The following SBF2 variants were observed in gnomAD, a reference collection of about 807,000 sequenced individuals.
The protein encoded by SBF2 is myotubularin-related protein 13.
A neutral mutation model predicts 225.2 loss-of-function variants in SBF2; 112 were observed. That is an observed-to-expected ratio of 0.50 (90% CI 0.43 to 0.58). The LOEUF (loss-of-function observed/expected upper bound fraction) is 0.58. Ranked by LOEUF, SBF2 falls within the 20% of genes least tolerant of loss-of-function variation. The pLI, the probability that SBF2 is intolerant of heterozygous loss-of-function variation, is 0.00. For synonymous variants in SBF2, 763 were observed against 773.3 expected (o/e 0.99, Z 0.22); for missense variants, 1,996 against 2,206.2 (o/e 0.90, Z 1.91).
At chr11:10,289,823 C>G (rs1382790748) in intron 1 of SBF2, among the ~76,000 whole-genome samples, 3 of 152,170 alleles carry the variant, frequency 2.0e-5, no homozygotes, top group Non-Finnish European at 4.4e-5. Context: ...CTCCTCACAC[C>G]CTCCCCGCAG....
intron 2 of SBF2, among the ~76,000 whole-genome samples, chr11:10,126,893 T>C (rs1953781639): frequency 6.6e-6 from 1 of 152,114 alleles, no homozygotes; most frequent in Non-Finnish European, 1.5e-5. Flanking sequence ...ATACCATGGA[T>C]GACCCTTGAA....
chr11:10,069,111 C>T (rs1337025891), intron 2 of SBF2, among the ~76,000 whole-genome samples: 3 of 151,894 alleles, frequency 2.0e-5, no homozygotes, highest in African/African-American at 7.3e-5. Context: ...ACCCATTTAC[C>T]CTTATTTAGA....
intron 38 of SBF2, among the ~76,000 whole-genome samples, chr11:9,782,154 C>G (rs536796490): frequency 6.7e-6 from 1 of 149,240 alleles, no homozygotes; most frequent in African/African-American, 2.5e-5. Flanking sequence ...CACTGCACTC[C>G]AGCCTGAGTA....
In SBF2 at chr11:9,842,698, C is replaced by T. The variant is rs752450440; in HGVS notation, c.3183G>A (p.Leu1061=). ...CCACAATTGTCCCTGTCTTCTTCTT[C>T]AGTAAATATTGCCGCCCAATTGTCA... ...GKMTIGRQYL[L]KKKTGTIVEE... is the part of the protein sequence containing the mutation. Residue 1061 remains leucine, a synonymous_variant, in exon 25 of 40, where the codon CTG becomes CTA. Coordinates refer to ENST00000256190, the MANE Select transcript of SBF2 (RefSeq NM_030962.4). 6.2e-7 allele frequency: 1 copy of T among 1,614,128 alleles called. No individual in the cohort carries two copies. The highest frequency in any genetic ancestry group is 1.1e-5 in the South Asian group (1 of 91,082).
Position 9,845,677 on chromosome 11 carries a change from G to C in SBF2, c.2998C>G (p.Leu1000Val), listed in dbSNP as rs748529255. The stretch of plus-strand genomic sequence containing the variant: ...GACTGAGGATAACGGAACTTCATCA[G>C]CTGTTTCTTAAAGATCTCTACTACT... ...PEVVEIFKKQ[L>V]MKFRYPQSIF... is the part of the protein sequence containing the mutation. Residue 1000 changes from leucine (L) to valine (V), a missense_variant, in exon 24 of 40, where the codon CTG becomes GTG. Physicochemically the swap from Leu to Val is conservative, Grantham distance 32. Transcript: ENST00000256190. The C allele has an allele frequency of 6.2e-7, 1 of 1,613,716 alleles. No individual in the cohort carries two copies. The highest frequency in any genetic ancestry group is 8.5e-7 in the Non-Finnish European group (1 of 1,179,746).
intron 2 of SBF2, among the ~76,000 whole-genome samples, chr11:10,181,616 T>A (rs991898452): frequency 2.0e-5 from 3 of 152,098 alleles, no homozygotes; most frequent in African/African-American, 7.2e-5. Flanking sequence ...TTAGCTTTCA[T>A]TACATTTCAA....
chr11:10,108,515 C>CTTTTTTTTTTTTT (rs34189666), intron 2 of SBF2, among the ~76,000 whole-genome samples: 1 of 83,482 alleles, frequency 1.2e-5, no homozygotes, highest in Non-Finnish European at 2.2e-5. Context: ...TAATAGTTAA[C>CTTTTTTTTTTTTT]TTTTTTTTTT....
Position 9,795,939 on chromosome 11 carries a change from T to C in SBF2, c.4462A>G (p.Thr1488Ala). ...TAATAGAGATTGAATTCAAACTCAGTTGGATACTGGTTGTGAACCTGAAAC... is the reference window on the plus strand; with the variant it reads ...TAATAGAGATTGAATTCAAACTCAGCTGGATACTGGTTGTGAACCTGAAAC... ...CVHQVHNQYP[T>A]EFEFNLYYLK... Residue 1488 changes from threonine (T) to alanine (A), a missense_variant, in exon 33 of 40, where the codon ACT becomes GCT. Coordinates refer to ENST00000256190, the MANE Select transcript of SBF2 (RefSeq NM_030962.4). The C allele has an allele frequency of 1.2e-6, 2 of 1,613,468 alleles. No individual in the cohort carries two copies. The highest frequency in any genetic ancestry group is 1.6e-4 in the Middle Eastern group (1 of 6,062).
At chr11:9,993,362 T>C (rs1467918269) in intron 10 of SBF2, among the ~76,000 whole-genome samples, 1 of 151,452 alleles carries the variant, frequency 6.6e-6, no homozygotes, top group Non-Finnish European at 1.5e-5. Flanking sequence ...GATCAGGAAA[T>C]GAAGGTCAAG....
Position 9,901,765 on chromosome 11 carries a change from C to G in SBF2, c.1861-5754G>C, listed in dbSNP as rs753063542. 2.0e-5 allele frequency among the ~76,000 whole-genome samples: 3 copies of G among 152,106 alleles called. No individual in the cohort carries two copies. The East Asian group carries it at 5.8e-4, about 29-fold the overall frequency. On this transcript the variant is annotated intron_variant, in intron 16 of 39. Coordinates refer to ENST00000256190, the MANE Select transcript of SBF2 (RefSeq NM_030962.4). ...GCTCAGGTGATCCTCCCACCTCAGC[C>G]TCCTGAATAGCTGGGAATACAGGCA...
upstream of SBF2, among the ~76,000 whole-genome samples, chr11:10,296,197 G>C (rs987272016): frequency 1.3e-5 from 2 of 151,914 alleles, no homozygotes; most frequent in Non-Finnish European, 2.9e-5. Context: ...CTTGTTTACG[G>C]GCAGATACAG....
At chr11:10,275,622 TAAA>T (rs200932203) in intron 1 of SBF2, among the ~76,000 whole-genome samples, 7 of 137,812 alleles carry the variant, frequency 5.1e-5, no homozygotes, top group African/African-American at 1.6e-4. Context: ...TTCATTAATT[TAAA>T]AAAAAAAAAA....
At chr11:10,068,582 A>C (rs1303333415) in intron 2 of SBF2, among the ~76,000 whole-genome samples, 1 of 152,226 alleles carries the variant, frequency 6.6e-6, no homozygotes, top group African/African-American at 2.4e-5. Flanking sequence ...AATCTTAATG[A>C]AAATACTGTG....
chr11:10,120,589 T>C (rs1451850275), intron 2 of SBF2, among the ~76,000 whole-genome samples: 1 of 152,166 alleles, frequency 6.6e-6, no homozygotes, highest in Non-Finnish European at 1.5e-5. Context: ...TTAATCCACA[T>C]CCTCAGTAAC....
chr11:9,788,589 C>CTTT (rs34787805), intron 35 of SBF2, among the ~76,000 whole-genome samples: 1 of 122,334 alleles, frequency 8.2e-6, no homozygotes, highest in South Asian at 2.7e-4. Context: ...TGGAAAATCA[C>CTTT]TTTTTTTTTT....
At chr11:10,196,020 A>C (rs1260241948) in intron 1 of SBF2, among the ~76,000 whole-genome samples, 1 of 152,218 alleles carries the variant, frequency 6.6e-6, no homozygotes, top group Non-Finnish European at 1.5e-5. Flanking sequence ...AGGAACTCAT[A>C]ATCAATTCGG....
At chr11:10,146,595 T>C (rs527965277) in intron 2 of SBF2, among the ~76,000 whole-genome samples, 33 of 152,184 alleles carry the variant, frequency 2.2e-4, no homozygotes, top group African/African-American at 7.9e-4. Context: ...AAAACTTAAA[T>C]GTAAAACCCA....
Position 9,873,874 on chromosome 11 carries a change from C to A in SBF2, c.1930-15478G>T, listed in dbSNP as rs565027671. Reference sequence around the variant, plus strand: ...GACCAGACTGGCCAACATGGTGACACCCCGTCTCTACTAAAAATACAAAAA... The same window carrying A: ...GACCAGACTGGCCAACATGGTGACAACCCGTCTCTACTAAAAATACAAAAA... On this transcript the variant is annotated intron_variant, in intron 17 of 39. Transcript: ENST00000256190. 3.3e-5 allele frequency among the ~76,000 whole-genome samples: 5 copies of A among 152,152 alleles called. No individual in the cohort carries two copies. In the East Asian group the frequency reaches 9.7e-4, roughly 30 times the overall value.
intron 1 of SBF2, among the ~76,000 whole-genome samples, chr11:10,230,743 T>C (rs895348734): frequency 1.3e-5 from 2 of 152,224 alleles, no homozygotes; most frequent in African/African-American, 4.8e-5. Context: ...TGCCTTAACA[T>C]TTTTTCCTTC....
Sources: allele counts gnomAD v4.1 joint callset (sites outside exome capture counted in the v4.1 genomes callset), GRCh38; gene constraint gnomAD v4.1.1; transcripts MANE v1.5; gene names NCBI Gene and HGNC (gene_info 2026-07-23, HGNC 2026-07-21).